CLYBL: variants seen among roughly 807,000 people sequenced by gnomAD.
The protein encoded by CLYBL is citramalyl-CoA lyase, also known as citramalyl-CoA lyase, mitochondrial.
In CLYBL, 31 loss-of-function variants were observed where a neutral mutation model predicts 38.9. The ratio of observed to expected loss-of-function variants is 0.80; its 90% CI spans 0.60 to 1.08. The LOEUF (loss-of-function observed/expected upper bound fraction) is 1.08. CLYBL is among the 50% of genes least tolerant of loss of function. CLYBL has a pLI of 0.00. For missense variants in CLYBL, 434 were observed against 411.6 expected, an observed-to-expected ratio of 1.05 and a Z score of -0.47; for synonymous variants, 171 against 158.6, an observed-to-expected ratio of 1.08 and a Z score of -0.59.
chr13:99,662,428 A>G (rs1167697027), intron 1 of CLYBL, among the ~76,000 whole-genome samples: 3 of 151,874 alleles, frequency 2.0e-5, no homozygotes, highest in African/African-American at 7.2e-5. Flanking sequence ...GAATCAGATT[A>G]GTTACTGATG....
intron 1 of CLYBL, among the ~76,000 whole-genome samples, chr13:99,608,114 C>A (rs1056276649): frequency 7.2e-6 from 1 of 138,720 alleles, no homozygotes; most frequent in East Asian, 2.1e-4. Flanking sequence ...TTTTGTCGCC[C>A]AGGCTGGAGT....
intron 2 of CLYBL, among the ~76,000 whole-genome samples, chr13:99,814,523 G>A (rs1271270192): frequency 1.3e-5 from 2 of 152,198 alleles, no homozygotes; most frequent in Non-Finnish European, 2.9e-5. Context: ...AGGAGTTTGA[G>A]ACCGGCCTGG....
intron 2 of CLYBL, among the ~76,000 whole-genome samples, chr13:99,809,661 T>C (rs1376321639): frequency 6.6e-6 from 1 of 152,260 alleles, no homozygotes; most frequent in Non-Finnish European, 1.5e-5. Context: ...TTAGCTGTTT[T>C]CAGCAATTAT....
At chr13:99,623,618 C>T (rs2058788990) in intron 1 of CLYBL, among the ~76,000 whole-genome samples, 2 of 152,046 alleles carry the variant, frequency 1.3e-5, no homozygotes, top group African/African-American at 4.8e-5. Flanking sequence ...GTCCAGAGAC[C>T]ATGGGCTTTG....
chr13:99,852,629 T>C (rs1397758033), intron 2 of CLYBL, among the ~76,000 whole-genome samples: 1 of 152,206 alleles, frequency 6.6e-6, no homozygotes, highest in Non-Finnish European at 1.5e-5. Flanking sequence ...CTTTTTATTG[T>C]GGAAATATTC....
intron 2 of CLYBL, among the ~76,000 whole-genome samples, chr13:99,814,643 G>GCTTGAAC (rs1212872095): frequency 1.3e-4 from 19 of 151,704 alleles, no homozygotes; most frequent in African/African-American, 3.6e-4. Context: ...CAGGAGGACT[G>GCTTGAAC]CTTGAACCTA....
chr13:99,801,290 A>G (rs1265359883), intron 2 of CLYBL, among the ~76,000 whole-genome samples: 1 of 152,216 alleles, frequency 6.6e-6, no homozygotes, highest in Non-Finnish European at 1.5e-5. Context: ...TTACTTTGAT[A>G]TTTATCAAAT....
chr13:99,878,339 A>G (rs1162938873), intron 7 of CLYBL, among the ~76,000 whole-genome samples: 2 of 152,278 alleles, frequency 1.3e-5, no homozygotes, highest in Non-Finnish European at 2.9e-5. Flanking sequence ...TTCCAAAGAA[A>G]GAATAAGCCT....
At chr13:99,802,569 C>G (rs890370533) in intron 2 of CLYBL, among the ~76,000 whole-genome samples, 2 of 152,112 alleles carry the variant, frequency 1.3e-5, no homozygotes, top group African/African-American at 2.4e-5. Flanking sequence ...TCCCTCTCAC[C>G]AGTGCAGTAC....
At chr13:99,782,874 A>G (rs1285552788) in intron 2 of CLYBL, among the ~76,000 whole-genome samples, 1 of 151,060 alleles carries the variant, frequency 6.6e-6, no homozygotes, top group Non-Finnish European at 1.5e-5. Context: ...GTAGTTGGAA[A>G]CTTCATTCTA....
intron 2 of CLYBL, among the ~76,000 whole-genome samples, chr13:99,793,603 T>A (rs980223003): frequency 2.0e-5 from 3 of 152,148 alleles, no homozygotes; most frequent in East Asian, 1.9e-4. Context: ...CAACAAAAAA[T>A]TTTTTCTCAT....
intron 2 of CLYBL, among the ~76,000 whole-genome samples, chr13:99,783,215 G>A (rs1397714535): frequency 6.6e-6 from 1 of 151,552 alleles, no homozygotes; most frequent in African/African-American, 2.4e-5. Context: ...GCTGATTTTT[G>A]TATTTTTAGT....
chr13:99,804,463 C>CTA (rs2050192993), intron 2 of CLYBL, among the ~76,000 whole-genome samples: 1 of 152,168 alleles, frequency 6.6e-6, no homozygotes, highest in South Asian at 2.1e-4. Flanking sequence ...CCTTTCACCT[C>CTA]TAACTGTTTT....
chr13:99,606,903 G>T, intron 1 of CLYBL, 146 bp downstream of exon 1: 5 of 1,257,396 alleles, frequency 4.0e-6, no homozygotes, highest in East Asian at 3.3e-5. Context: ...CCACGCGCTG[G>T]CTCGACCTCG....
At chr13:99,747,017 C>G (rs2048862648) in intron 1 of CLYBL, among the ~76,000 whole-genome samples, 1 of 152,166 alleles carries the variant, frequency 6.6e-6, no homozygotes, top group Admixed American at 6.5e-5. Flanking sequence ...CTCTTGACCT[C>G]GGAGTCACGG....
chr13:99,730,027 C>A (rs905653755), intron 1 of CLYBL, among the ~76,000 whole-genome samples: 1 of 143,532 alleles, frequency 7.0e-6, no homozygotes, highest in African/African-American at 2.5e-5. Context: ...ACCGTTGGTC[C>A]CACATCAGCG....
chr13:99,862,861 C>G (rs1052391946), intron 3 of CLYBL, 130 bp from the exon 4 acceptor site: 1 of 429,906 alleles, frequency 2.3e-6, no homozygotes. Context: ...TAAAAAAATT[C>G]TTTTGTGTGG....
At chr13:99,739,256 C>A (rs978899200) in intron 1 of CLYBL, among the ~76,000 whole-genome samples, 14 of 151,978 alleles carry the variant, frequency 9.2e-5, no homozygotes, top group Admixed American at 6.5e-5. Context: ...CAAATAAACA[C>A]ACTTAGACAC....
At position 99,729,979 on chromosome 13, in the gene CLYBL, C is replaced by T. The variant is rs146819453; in HGVS notation, c.63-42845C>T. Among the ~76,000 whole-genome samples, 687 of 152,090 alleles carry T rather than the reference C, an allele frequency of 4.5e-3. 8 individuals are homozygous for T. The highest frequency in any genetic ancestry group is 0.014 in the African/African-American group (569 of 41,552). ...TCAGCATTGCCCATGCCCCCACCACCGTCAGTCCCTCATCAGCATTGCCGG... is the reference window on the plus strand; with the variant it reads ...TCAGCATTGCCCATGCCCCCACCACTGTCAGTCCCTCATCAGCATTGCCGG... On this transcript the variant is annotated intron_variant, in intron 1 of 8. Coordinates refer to ENST00000339105, the MANE Select transcript of CLYBL (RefSeq NM_206808.5).
Sources: gnomAD v4.1 joint callset for allele counts (sites outside exome capture counted in the v4.1 genomes callset) on GRCh38, gnomAD v4.1.1 for gene constraint, MANE v1.5 for transcripts, NCBI Gene and HGNC (gene_info 2026-07-23, HGNC 2026-07-21) for gene names.